Variants in LRP1B observed in about 807,000 individuals in gnomAD.
LRP1B encodes LDL receptor related protein 1B.
Under a neutral mutation model 556.6 loss-of-function variants are expected in LRP1B, and 217 were observed. That is an observed-to-expected ratio of 0.39 (90% CI 0.35 to 0.44). LRP1B has a LOEUF of 0.44. Ranked by LOEUF, LRP1B falls within the 20% of genes least tolerant of loss-of-function variation. The pLI is 1.00. For synonymous variants in LRP1B, 2,047 were observed against 1,865.8 expected (o/e 1.10, Z -2.50); for missense variants, 5,053 against 5,620.8 (o/e 0.90, Z 3.23).
At chr2:141,624,251 C>T (rs1181257730) in intron 2 of LRP1B, among the ~76,000 whole-genome samples, 1 of 151,792 alleles carries the variant, frequency 6.6e-6, no homozygotes, top group Admixed American at 6.6e-5. Flanking sequence ...CAGTCATAGG[C>T]ATAATATTAT....
chr2:141,798,611 G>T (rs1695899937), intron 2 of LRP1B, among the ~76,000 whole-genome samples: 1 of 147,230 alleles, frequency 6.8e-6, no homozygotes, highest in African/African-American at 2.6e-5. Flanking sequence ...GGAGGCTGAG[G>T]CAGGAGGATC....
rs190825686 is a variant in LRP1B, at chr2:140,456,814, A to G, written c.9815-211T>C. 2.3e-3 allele frequency among the ~76,000 whole-genome samples: 356 copies of G among 152,326 alleles called. 3 individuals are homozygous for G. The highest frequency in any genetic ancestry group is 6.8e-3 in the Middle Eastern group (2 of 294). On this transcript the variant is annotated intron_variant, in intron 61 of 90. Transcript: ENST00000389484. ...ATTAATTCTACCATTCAATAATTTT[A>G]AAGGTGCATTTCTACAAAACAAAAA...
At chr2:140,449,586 T>C (rs1007777796) in intron 63 of LRP1B, among the ~76,000 whole-genome samples, 19 of 152,318 alleles carry the variant, frequency 1.2e-4, no homozygotes, top group African/African-American at 4.3e-4. Context: ...ATTTGATTAC[T>C]TACTGCTTTC....
At chr2:140,356,567 T>C in intron 74 of LRP1B, 91 bp from the exon 75 acceptor site, 1 of 835,528 alleles carries the variant, frequency 1.2e-6, no homozygotes, top group South Asian at 1.7e-5. Context: ...TGGTATTTAT[T>C]ATTCCACAGA....
chr2:141,382,330 C>T (rs1488476471), intron 3 of LRP1B, among the ~76,000 whole-genome samples: 5 of 152,194 alleles, frequency 3.3e-5, no homozygotes, highest in Admixed American at 2.0e-4. Context: ...GATGGGCTTG[C>T]CAGCCTCTGT....
At chr2:140,591,523 C>T (rs1682224557) in intron 43 of LRP1B, among the ~76,000 whole-genome samples, 1 of 152,296 alleles carries the variant, frequency 6.6e-6, no homozygotes, top group Middle Eastern at 3.4e-3. Flanking sequence ...CTTATTGGCT[C>T]TCAATCAAGG....
At chr2:142,072,804 T>C (rs1189943330) in intron 1 of LRP1B, among the ~76,000 whole-genome samples, 3 of 152,052 alleles carry the variant, frequency 2.0e-5, no homozygotes, top group Admixed American at 2.0e-4. Context: ...ATAGTGGGTA[T>C]GTATTAAATG....
chr2:141,034,968 C>A (rs1698488300), intron 11 of LRP1B, among the ~76,000 whole-genome samples: 1 of 151,838 alleles, frequency 6.6e-6, no homozygotes, highest in Admixed American at 6.6e-5. Flanking sequence ...AAATGTCCAA[C>A]AATGATAGAC....
intron 3 of LRP1B, among the ~76,000 whole-genome samples, chr2:141,429,132 T>C (rs988084216): frequency 3.3e-5 from 5 of 150,974 alleles, no homozygotes; most frequent in African/African-American, 1.2e-4. Context: ...GGTATAATGA[T>C]AAACAGCCAG....
At chr2:141,578,269 G>A (rs1368749829) in intron 2 of LRP1B, among the ~76,000 whole-genome samples, 2 of 151,982 alleles carry the variant, frequency 1.3e-5, no homozygotes, top group Non-Finnish European at 2.9e-5. Flanking sequence ...GGTGGCACAT[G>A]CCTGTTAATC....
At chr2:141,799,801 A>AGTGTGTGTGTGTGT (rs1553466028) in intron 2 of LRP1B, among the ~76,000 whole-genome samples, 1 of 93,284 alleles carries the variant, frequency 1.1e-5, no homozygotes, top group Non-Finnish European at 2.3e-5. Context: ...GTTTTTAAAG[A>AGTGTGTGTGTGTGT]GTGTGTCTGT....
intron 43 of LRP1B, among the ~76,000 whole-genome samples, chr2:140,545,551 C>T (rs922041115): frequency 2.0e-5 from 3 of 152,018 alleles, no homozygotes; most frequent in Non-Finnish European, 4.4e-5. Context: ...GTCCTTTCCC[C>T]TTTGCTTGTT....
intron 75 of LRP1B, among the ~76,000 whole-genome samples, chr2:140,354,837 C>T (rs1365894856): frequency 1.3e-5 from 2 of 151,896 alleles, no homozygotes; most frequent in African/African-American, 2.4e-5. Context: ...TACTTTTTTC[C>T]CTTTAGATAT....
intron 79 of LRP1B, among the ~76,000 whole-genome samples, chr2:140,327,009 A>G (rs1363169356): frequency 1.3e-5 from 2 of 152,140 alleles, no homozygotes; most frequent in Non-Finnish European, 2.9e-5. Flanking sequence ...TGACTCATGA[A>G]TTCTATAATA....
intron 7 of LRP1B, among the ~76,000 whole-genome samples, chr2:141,126,110 C>A (rs1701203472): frequency 6.6e-6 from 1 of 151,742 alleles, no homozygotes; most frequent in Admixed American, 6.6e-5. Flanking sequence ...CAGCTCACTG[C>A]AACCTCTGCC....
intron 57 of LRP1B, among the ~76,000 whole-genome samples, chr2:140,491,660 T>C (rs1204688911): frequency 6.6e-6 from 1 of 152,112 alleles, no homozygotes; most frequent in Admixed American, 6.6e-5. Context: ...CTTGAAGCAG[T>C]TATATGTACG....
rs189668293 is a variant in LRP1B, at chr2:141,985,270, G to C, written c.82+145378C>G. ...TTTAGAGGAGTAGCAAATCAGGTCA[G>C]TAGTTTGAATTTAGGCAGTGGAAAG... On this transcript the variant is annotated intron_variant, in intron 1 of 90. Coordinates refer to ENST00000389484, the MANE Select transcript of LRP1B (RefSeq NM_018557.3). Among the ~76,000 whole-genome samples, 24 of 152,262 alleles carry C rather than the reference G, an allele frequency of 1.6e-4. No individual in the cohort carries two copies. In the East Asian group the frequency reaches 4.6e-3, roughly 29 times the overall value.
At chr2:141,439,684 C>T (rs570367463) in intron 3 of LRP1B, among the ~76,000 whole-genome samples, 92 of 152,090 alleles carry the variant, frequency 6.0e-4, no homozygotes, top group African/African-American at 2.2e-3. Context: ...TAATTAAGTC[C>T]CTTTTCTGTG....
intron 2 of LRP1B, among the ~76,000 whole-genome samples, chr2:141,715,377 G>C (rs1439646616): frequency 6.6e-6 from 1 of 151,574 alleles, no homozygotes; most frequent in Non-Finnish European, 1.5e-5. Context: ...AGGCCAAGGT[G>C]AGAGGATCAC....
Sources: allele counts gnomAD v4.1 joint callset (sites outside exome capture counted in the v4.1 genomes callset), GRCh38; gene constraint gnomAD v4.1.1; transcripts MANE v1.5; gene names NCBI Gene and HGNC (gene_info 2026-07-23, HGNC 2026-07-21).